BRWD3: variants seen among roughly 807,000 people sequenced by gnomAD.
The protein encoded by BRWD3 is bromodomain and WD repeat-containing protein 3.
Under a neutral mutation model 149.7 loss-of-function variants are expected in BRWD3, and 10 were observed. The observed-to-expected ratio is 0.07, with a 90% CI of 0.04 to 0.11. The LOEUF (loss-of-function observed/expected upper bound fraction) is 0.11, where lower values mean the gene tolerates loss of function less well. Ranked by LOEUF, BRWD3 falls within the 10% of genes least tolerant of loss-of-function variation. BRWD3 has a pLI of 1.00. For missense variants in BRWD3, 940 were observed against 1,373.2 expected (o/e 0.68, Z 4.99); for synonymous variants, 504 against 456.7 (o/e 1.10, Z -1.32).
intron 14 of BRWD3, among the ~76,000 whole-genome samples, chrX:80,728,546 C>T (rs760503212): frequency 9.0e-6 from 1 of 111,360 alleles, no homozygotes; most frequent in Non-Finnish European, 1.9e-5. Flanking sequence ...TAGAAAAGAT[C>T]TTGAAAAGAT....
intron 6 of BRWD3, among the ~76,000 whole-genome samples, chrX:80,763,430 T>C (rs922918452): frequency 8.1e-5 from 9 of 111,599 alleles, no homozygotes; most frequent in Non-Finnish European, 1.5e-4. Context: ...AAATTCTAGC[T>C]CAAACCTACC....
At chrX:80,691,222 T>C in intron 30 of BRWD3, 49 bp from the exon 31 acceptor site, 2 of 1,155,624 alleles carry the variant, frequency 1.7e-6, no homozygotes, top group Non-Finnish European at 2.4e-6. Context: ...GACATTAACA[T>C]CTCATGGTAA....
rs149478535 is a variant in BRWD3, at chrX:80,700,119, T to A, written c.2836-55A>T. The A allele has an allele frequency of 6.8e-3, 5,729 of 841,119 alleles. 37 individuals are homozygous for A. Among genetic ancestry groups the A allele is most frequent in the South Asian group, 0.01 (466 of 46,017 alleles). 69.3% of individuals were successfully genotyped at this position (841,119 alleles called of 1,213,427 possible). On this transcript the variant is annotated intron_variant, in intron 24 of 40. Transcript: ENST00000373275. ...GCAGCATCCTATATAACTCTGTATG[T>A]CCAATATACATTCCTACAAACATCC...
intron 14 of BRWD3, among the ~76,000 whole-genome samples, chrX:80,725,952 A>G (rs1057022910): frequency 1.2e-4 from 13 of 111,121 alleles, no homozygotes; most frequent in African/African-American, 3.6e-4. Flanking sequence ...TTACATGTCT[A>G]TATAACACAT....
chrX:80,690,396 G>A (rs1029776113), intron 31 of BRWD3, among the ~76,000 whole-genome samples: 1 of 110,523 alleles, frequency 9.0e-6, no homozygotes, highest in African/African-American at 3.3e-5. Context: ...TTAGTTTTCA[G>A]GGGAAGAGCC....
chrX:80,735,042 G>A, intron 10 of BRWD3, 85 bp downstream of exon 10: 1 of 833,339 alleles, frequency 1.2e-6, no homozygotes. Context: ...ACACTCAAAT[G>A]TGTATCTTTT....
intron 6 of BRWD3, among the ~76,000 whole-genome samples, chrX:80,782,513 T>A (rs1368943921): frequency 9.0e-6 from 1 of 111,451 alleles, no homozygotes; most frequent in East Asian, 2.8e-4. Context: ...AAAAAGTTTG[T>A]GCACAACAAA....
chrX:80,708,488 C>A (rs1334066760), intron 21 of BRWD3, among the ~76,000 whole-genome samples: 1 of 103,851 alleles, frequency 9.6e-6, no homozygotes, highest in Admixed American at 1.1e-4. Flanking sequence ...GGGGGTGGGG[C>A]ATGAATGTAG....
chrX:80,756,728 T>A (rs1432266702), intron 6 of BRWD3, among the ~76,000 whole-genome samples: 2 of 111,009 alleles, frequency 1.8e-5, no homozygotes, highest in Non-Finnish European at 3.8e-5. Context: ...AAGAACTGGA[T>A]CTCATTCTTC....
intron 6 of BRWD3, among the ~76,000 whole-genome samples, chrX:80,778,013 G>C (rs1465807876): frequency 9.1e-6 from 1 of 110,312 alleles, no homozygotes; most frequent in African/African-American, 3.3e-5. Context: ...TCAATAAATG[G>C]CATTGAAAGA....
chrX:80,749,391 A>G (rs2073635990), intron 6 of BRWD3, among the ~76,000 whole-genome samples: 1 of 111,517 alleles, frequency 9.0e-6, no homozygotes, highest in Admixed American at 9.6e-5. Flanking sequence ...GGGTGCATAT[A>G]TATTTACAAC....
intron 4 of BRWD3, among the ~76,000 whole-genome samples, chrX:80,795,838 G>A (rs1030788510): frequency 1.1e-4 from 12 of 110,920 alleles, no homozygotes; most frequent in African/African-American, 3.9e-4. Context: ...GACTGCAGTG[G>A]GAGGATTGCT....
At position 80,702,050 on chromosome X, in the gene BRWD3, A is replaced by G. The variant is rs372790076; in HGVS notation, c.2835+1430T>C. On this transcript the variant is annotated intron_variant, in intron 24 of 40. Transcript: ENST00000373275. The stretch of plus-strand genomic sequence containing the variant: ...GTATTTGAATTAGACCTTGAAAATG[A>G]TAATTTTAAGAAGCAATGATCTGTA... 3.1e-4 allele frequency among the ~76,000 whole-genome samples: 35 copies of G among 112,344 alleles called. No individual in the cohort carries two copies. The South Asian group carries it at 0.011, about 36-fold the overall frequency.
intron 6 of BRWD3, among the ~76,000 whole-genome samples, chrX:80,778,523 GA>G (rs2147837406): frequency 8.9e-6 from 1 of 112,048 alleles, no homozygotes; most frequent in South Asian, 3.7e-4. Flanking sequence ...ACATAGGGCA[GA>G]AAGGACTACT....
At chrX:80,729,341 A>G (rs2073293924) in intron 13 of BRWD3, among the ~76,000 whole-genome samples, 1 of 111,434 alleles carries the variant, frequency 9.0e-6, no homozygotes, top group African/African-American at 3.2e-5. Context: ...GACATTATCA[A>G]TGGGCGACTA....
chrX:80,762,745 A>G (rs1015445095), intron 6 of BRWD3, among the ~76,000 whole-genome samples: 7 of 111,987 alleles, frequency 6.3e-5, no homozygotes, highest in Non-Finnish European at 1.1e-4. Context: ...AAAAAGAACA[A>G]GTGGCCAAAG....
intron 6 of BRWD3, among the ~76,000 whole-genome samples, chrX:80,774,183 C>T (rs747693203): frequency 1.8e-5 from 2 of 111,600 alleles, no homozygotes; most frequent in Admixed American, 9.5e-5. Context: ...TTCTTAGTTT[C>T]GCATATATAT....
At chrX:80,714,071 G>A (rs1403854912) in intron 20 of BRWD3, among the ~76,000 whole-genome samples, 1 of 111,387 alleles carries the variant, frequency 9.0e-6, no homozygotes, top group Non-Finnish European at 1.9e-5. Context: ...CCTACATTGT[G>A]CAGAGGACCC....
intron 35 of BRWD3, 42 bp downstream of exon 35, chrX:80,686,821 A>G: frequency 8.4e-7 from 1 of 1,188,028 alleles, no homozygotes; most frequent in Non-Finnish European, 1.1e-6. Context: ...CATTTATGGG[A>G]AATTATCATA....
Sources: allele counts gnomAD v4.1 joint callset (sites outside exome capture counted in the v4.1 genomes callset), GRCh38; gene constraint gnomAD v4.1.1; transcripts MANE v1.5; gene names NCBI Gene and HGNC (gene_info 2026-07-23, HGNC 2026-07-21).